The following TPR variants were observed in gnomAD, a reference collection of about 807,000 sequenced individuals.
TPR encodes the protein nucleoprotein TPR.
TPR carries 51 observed loss-of-function variants against 316.1 expected under a neutral mutation model. That is an observed-to-expected ratio of 0.16 (90% CI 0.13 to 0.20). The LOEUF (loss-of-function observed/expected upper bound fraction) is 0.20, where lower values mean the gene tolerates loss of function less well. TPR is among the 10% of genes least tolerant of loss of function. The pLI is 1.00. For synonymous variants in TPR, 981 were observed against 914.7 expected (o/e 1.07, Z -1.31); for missense variants, 2,272 against 2,754.8 (o/e 0.82, Z 3.92).
intron 21 of TPR, among the ~76,000 whole-genome samples, chr1:186,348,090 C>T (rs1398400077): frequency 6.6e-6 from 1 of 152,044 alleles, no homozygotes; most frequent in Non-Finnish European, 1.5e-5. Context: ...GGAAGACAAC[C>T]ATAAGGTCTG....
chr1:186,348,136 T>A (rs1009853576), intron 21 of TPR, among the ~76,000 whole-genome samples: 1 of 152,172 alleles, frequency 6.6e-6, no homozygotes, highest in Admixed American at 6.5e-5. Flanking sequence ...AGCCATATTT[T>A]TCTTGTTGCA....
chr1:186,323,947 A>C, intron 42 of TPR, 77 bp from the exon 43 acceptor site: 1 of 1,401,562 alleles, frequency 7.1e-7, no homozygotes, highest in Non-Finnish European at 9.6e-7. Context: ...AGAAGTATAA[A>C]TCTTGCCAAC....
intron 5 of TPR, 145 bp from the exon 6 acceptor site, chr1:186,363,146 T>A: frequency 9.3e-7 from 1 of 1,075,486 alleles, no homozygotes. Context: ...CTAGAAAACA[T>A]TAAGAACTGT....
chr1:186,336,384 A>T, intron 33 of TPR, 112 bp downstream of exon 33: 2 of 1,003,454 alleles, frequency 2.0e-6, no homozygotes, highest in African/African-American at 3.2e-5. Flanking sequence ...ACACATACAC[A>T]CACAAACACC....
chr1:186,327,779 T>C, intron 39 of TPR, 119 bp from the exon 40 acceptor site: 2 of 877,554 alleles, frequency 2.3e-6, no homozygotes, highest in Non-Finnish European at 1.7e-6. Flanking sequence ...ACTAGCAGCA[T>C]TTAATTTAAT....
At chr1:186,338,878 T>C (rs1438320770) in intron 30 of TPR, among the ~76,000 whole-genome samples, 1 of 152,178 alleles carries the variant, frequency 6.6e-6, no homozygotes, top group Non-Finnish European at 1.5e-5. Flanking sequence ...TCTTTTTGAA[T>C]CTTAGGCTCC....
At chr1:186,350,483 G>C in intron 20 of TPR, 95 bp from the exon 21 acceptor site, 1 of 941,130 alleles carries the variant, frequency 1.1e-6, no homozygotes, top group Non-Finnish European at 1.5e-6. Flanking sequence ...TCGGCCAAGA[G>C]AGTAACAGAA....
chr1:186,345,482 A>G (rs1192083019), intron 24 of TPR, 98 bp downstream of exon 24: 2 of 953,440 alleles, frequency 2.1e-6, no homozygotes, highest in Non-Finnish European at 3.2e-6. Context: ...ATTATCTTGA[A>G]TTTTTGTAAG....
chr1:186,344,040 G>A lies in TPR; in HGVS notation c.3468C>T (p.Asn1156=). 1 of 1,613,938 alleles carries A rather than the reference G, an allele frequency of 6.2e-7. No individual in the cohort carries two copies. Among genetic ancestry groups the A allele is most frequent in the South Asian group, 1.1e-5 (1 of 91,052 alleles). ...VCRCEDLEKQ[N]RLLHDQIEKL... Reference sequence around the variant, plus strand: ...TTTCGATCTGATCATGAAGTAATCTGTTTTGTTTCTCCAGATCTTCACAGC... The same window carrying A: ...TTTCGATCTGATCATGAAGTAATCTATTTTGTTTCTCCAGATCTTCACAGC... Residue 1156 remains asparagine (N), a synonymous_variant, in exon 26 of 51, where the codon AAC becomes AAT. Coordinates refer to ENST00000367478, the MANE Select transcript of TPR (RefSeq NM_003292.3).
At chr1:186,329,175 A>G in intron 39 of TPR, among the ~76,000 whole-genome samples, 1 of 152,180 alleles carries the variant, frequency 6.6e-6, no homozygotes, top group East Asian at 1.9e-4. Flanking sequence ...GTCACAGACA[A>G]TTTTGCTAAT....
intron 29 of TPR, among the ~76,000 whole-genome samples, chr1:186,340,296 T>C (rs1157601429): frequency 6.6e-6 from 1 of 152,186 alleles, no homozygotes; most frequent in African/African-American, 2.4e-5. Context: ...CAAGGCAGAT[T>C]TCTAACCTTT....
Position 186,317,334 on chromosome 1 carries a change from G to A in TPR, c.6940+148C>T, listed in dbSNP as rs927331945. The A allele has an allele frequency of 1.5e-5, 10 of 656,486 alleles. No homozygotes were observed. The Admixed American group carries it at 2.5e-4, about 17-fold the overall frequency. 40.7% of individuals were successfully genotyped at this position (656,486 alleles called of 1,614,324 possible). On this transcript the variant is annotated intron_variant, in intron 49 of 50. Coordinates refer to ENST00000367478, the MANE Select transcript of TPR (RefSeq NM_003292.3). ...GAATAATTATTTCAATATAAACCAAGTTCCTTTTAATAATAAAATTTCTCT... is the reference window on the plus strand; with the variant it reads ...GAATAATTATTTCAATATAAACCAAATTCCTTTTAATAATAAAATTTCTCT...
At chr1:186,357,766 C>A in intron 13 of TPR, 143 bp from the exon 14 acceptor site, 1 of 682,254 alleles carries the variant, frequency 1.5e-6, no homozygotes, top group Non-Finnish European at 2.3e-6. Context: ...ATAAAGCATC[C>A]TTGGATATTA....
chr1:186,356,266 A>T lies in TPR; in HGVS notation c.1888+20T>A, dbSNP rs757530308. The T allele has an allele frequency of 2.5e-5, 39 of 1,564,800 alleles. 1 individual carries two copies. Among genetic ancestry groups the T allele is most frequent in the Non-Finnish European group, 3.3e-5 (38 of 1,149,834 alleles). On this transcript the variant is annotated intron_variant, in intron 15 of 50. Coordinates refer to ENST00000367478, the MANE Select transcript of TPR (RefSeq NM_003292.3). ...ATACATTTCTAAATTATTCCTTAAA[A>T]TAACTTTATAAAAACCTACCATGTA...
At chr1:186,362,030 A>T (rs1327500797) in intron 7 of TPR, among the ~76,000 whole-genome samples, 161 bp from the exon 8 acceptor site, 1 of 152,016 alleles carries the variant, frequency 6.6e-6, no homozygotes, top group Non-Finnish European at 1.5e-5. Flanking sequence ...AGGATAAAAT[A>T]TTACTAATAT....
At chr1:186,350,612 T>C (rs1658832925) in intron 20 of TPR, among the ~76,000 whole-genome samples, 2 of 151,760 alleles carry the variant, frequency 1.3e-5, no homozygotes, top group African/African-American at 4.8e-5. Flanking sequence ...AGTTTACTGA[T>C]TTAAAAGTTT....
At chr1:186,369,433 T>C (rs1189014188) in intron 3 of TPR, among the ~76,000 whole-genome samples, 1 of 152,136 alleles carries the variant, frequency 6.6e-6, no homozygotes, top group Non-Finnish European at 1.5e-5. Flanking sequence ...TTCGTCAATG[T>C]TATATTATTT....
At chr1:186,374,556 A>G (rs1659642433) in intron 1 of TPR, among the ~76,000 whole-genome samples, 1 of 152,220 alleles carries the variant, frequency 6.6e-6, no homozygotes, top group African/African-American at 2.4e-5. Context: ...AACAAAACAT[A>G]TAAGGTACTC....
At position 186,372,674 on chromosome 1, in the gene TPR, G is replaced by C. The variant is rs370890303; in HGVS notation, c.256+685C>G. Among the ~76,000 whole-genome samples the C allele has an allele frequency of 5.1e-4, 78 of 152,266 alleles. 1 individual carries two copies. The East Asian group carries it at 0.013, about 24-fold the overall frequency. On this transcript the variant is annotated intron_variant, in intron 2 of 50. Coordinates refer to ENST00000367478, the MANE Select transcript of TPR (RefSeq NM_003292.3). ...AAGGCACCCCATCTCGTCTGATCTC[G>C]GAAGCTAAGCAGGGTGGGGCCTGGT...
Sources: allele counts gnomAD v4.1 joint callset (sites outside exome capture counted in the v4.1 genomes callset), GRCh38; gene constraint gnomAD v4.1.1; transcripts MANE v1.5; gene names NCBI Gene and HGNC (gene_info 2026-07-23, HGNC 2026-07-21).